LYRM7: variants seen among roughly 807,000 people sequenced by gnomAD.
The protein encoded by LYRM7 is complex III assembly factor LYRM7.
A neutral mutation model predicts 15.8 loss-of-function variants in LYRM7; 9 were observed. The ratio of observed to expected loss-of-function variants is 0.57; its 90% CI spans 0.34 to 0.99. The LOEUF (loss-of-function observed/expected upper bound fraction) is 0.99. LYRM7 is among the 50% of genes least tolerant of loss of function. LYRM7 has a pLI of 0.02. For synonymous variants in LYRM7, 39 were observed against 39.4 expected (o/e 0.99, Z 0.04); for missense variants, 115 against 119.1 (o/e 0.97, Z 0.16).
rs965369574 is a variant in LYRM7 at position 131,202,912 on chromosome 5, G to A, written c.*3311G>A. On this transcript the variant is annotated 3_prime_UTR_variant, in exon 5 of 5. Coordinates refer to ENST00000379380, the MANE Select transcript of LYRM7 (RefSeq NM_181705.4). ...AGATTTGAGAAGCATATGTAGATTC[G>A]AAGCTGGGGGAATATGGCAGGTAGT... 7.2e-5 allele frequency: 11 copies of A among 152,276 alleles called. No individual in the cohort carries two copies. Among genetic ancestry groups the A allele is most frequent in the African/African-American group, 2.7e-4 (11 of 41,428 alleles). 9.4% of individuals were successfully genotyped at this position (152,276 alleles called of 1,614,324 possible).
At chr5:131,173,088 TTTAC>T (rs1307803108) in intron 1 of LYRM7, among the ~76,000 whole-genome samples, 2 of 152,122 alleles carry the variant, frequency 1.3e-5, no homozygotes, top group Non-Finnish European at 2.9e-5. Flanking sequence ...AACCATTATG[TTTAC>T]TTACTTCTCA....
At chr5:131,176,003 A>C (rs1012832289) in intron 1 of LYRM7, among the ~76,000 whole-genome samples, 17 of 151,762 alleles carry the variant, frequency 1.1e-4, no homozygotes, top group African/African-American at 3.9e-4. Flanking sequence ...CAAGCGATCC[A>C]CCCACCTCAG....
At chr5:131,186,576 GTTTAA>G (rs1012278911) in intron 3 of LYRM7, among the ~76,000 whole-genome samples, 1 of 152,122 alleles carries the variant, frequency 6.6e-6, no homozygotes, top group Non-Finnish European at 1.5e-5. Context: ...CTATGATAAA[GTTTAA>G]TTTATAAATT....
chr5:131,200,313 G>A lies in LYRM7; in HGVS notation c.*712G>A, dbSNP rs1335557659. 1.3e-5 allele frequency: 2 copies of A among 152,292 alleles called. No individual in the cohort carries two copies. The highest frequency in any genetic ancestry group is 2.9e-5 in the Non-Finnish European group (2 of 68,016). The allele number at this position is 152,292 out of a possible 1,614,324, so 9.4% of individuals were successfully genotyped here. A position where few individuals can be genotyped will look rare whatever the true frequency, so the allele number is the denominator to read the frequency against. On this transcript the variant is annotated 3_prime_UTR_variant, in exon 5 of 5. Transcript: ENST00000379380. ...TAATATGGCCTTAGTAGAATTAGCT[G>A]TATTTAGACAAAGTTAGACTTTAGT...
chr5:131,205,316 A>G lies in LYRM7; in HGVS notation c.*5715A>G, dbSNP rs183093907. ...GGCGTTATGCTCCATGTATTCTGCA[A>G]CTTTTCATCATACATTAGGTTTTGG... On this transcript the variant is annotated 3_prime_UTR_variant, in exon 5 of 5. Coordinates refer to ENST00000379380, the MANE Select transcript of LYRM7 (RefSeq NM_181705.4). The G allele has an allele frequency of 1.3e-5, 2 of 152,358 alleles. No individual in the cohort carries two copies. The highest frequency in any genetic ancestry group is 3.9e-4 in the East Asian group (2 of 5,192). The allele number at this position is 152,358 out of a possible 1,614,324, so 9.4% of individuals were successfully genotyped here.
chr5:131,177,741 G>A (rs757722190), intron 1 of LYRM7, among the ~76,000 whole-genome samples: 6 of 152,078 alleles, frequency 3.9e-5, no homozygotes, highest in Non-Finnish European at 5.9e-5. Flanking sequence ...TAATTCGTGT[G>A]CCTTACTTGG....
chr5:131,181,428 TA>T (rs1248556630), intron 2 of LYRM7, among the ~76,000 whole-genome samples: 19 of 111,426 alleles, frequency 1.7e-4, no homozygotes, highest in African/African-American at 6.1e-4. Flanking sequence ...TATATATATA[TA>T]ACATATATAT....
At chr5:131,194,758 G>C (rs1561548683) in intron 4 of LYRM7, among the ~76,000 whole-genome samples, 1 of 152,110 alleles carries the variant, frequency 6.6e-6, no homozygotes, top group Non-Finnish European at 1.5e-5. Flanking sequence ...CCACGAGAGA[G>C]CAGCAGTTTT....
At chr5:131,197,563 T>A (rs1755986682) in intron 4 of LYRM7, among the ~76,000 whole-genome samples, 2 of 148,062 alleles carry the variant, frequency 1.4e-5, no homozygotes, top group Non-Finnish European at 3.0e-5. Flanking sequence ...TTTTTTTTTT[T>A]GAGAGAGAGA....
At chr5:131,190,231 T>C (rs1284886324) in intron 4 of LYRM7, among the ~76,000 whole-genome samples, 3 of 152,222 alleles carry the variant, frequency 2.0e-5, no homozygotes, top group South Asian at 2.1e-4. Flanking sequence ...AGTCTTGCTC[T>C]GTCTCCTACG....
intron 4 of LYRM7, among the ~76,000 whole-genome samples, chr5:131,197,388 A>G (rs1313262027): frequency 6.6e-6 from 1 of 152,160 alleles, no homozygotes; most frequent in East Asian, 1.9e-4. Context: ...ACAATGGTTA[A>G]ATAATACTTA....
intron 3 of LYRM7, among the ~76,000 whole-genome samples, chr5:131,183,653 G>T (rs917156200): frequency 1.3e-5 from 2 of 151,982 alleles, no homozygotes; most frequent in Non-Finnish European, 2.9e-5. Context: ...TAAAATAATT[G>T]CTTTGTTATT....
intron 3 of LYRM7, among the ~76,000 whole-genome samples, chr5:131,184,707 T>G (rs1262933391): frequency 2.0e-5 from 3 of 151,646 alleles, no homozygotes; most frequent in African/African-American, 7.3e-5. Context: ...GCCTAATCCC[T>G]TATTCCTCAA....
At chr5:131,196,134 CCTT>C (rs1755959696) in intron 4 of LYRM7, among the ~76,000 whole-genome samples, 2 of 134,854 alleles carry the variant, frequency 1.5e-5, no homozygotes, top group South Asian at 4.6e-4. Context: ...GATAGAGTGT[CCTT>C]CTGTCGCTCA....
rs867316380 is a variant in LYRM7 at position 131,181,419 on chromosome 5, A to G, written c.92-810A>G. ...ATATTATATATACATATATATGTTT[A>G]TATATATATAACATATATATGTATA... On this transcript the variant is annotated intron_variant, in intron 2 of 4. Transcript: ENST00000379380. Among the ~76,000 whole-genome samples the G allele has an allele frequency of 5.9e-3, 706 of 118,844 alleles. 35 individuals carry two copies. The highest frequency in any genetic ancestry group is 0.025 in the African/African-American group (664 of 26,346). The allele number at this position is 118,844 out of a possible 152,430, so 78.0% of individuals were successfully genotyped here.
chr5:131,171,163 ACCC>A lies in LYRM7; in HGVS notation c.18+127_18+129del, dbSNP rs1196967018. 9.7e-6 allele frequency: 10 copies of A among 1,032,438 alleles called. No homozygotes were observed. In the South Asian group the frequency reaches 1.7e-4, roughly 17 times the overall value. 64.0% of individuals were successfully genotyped at this position (1,032,438 alleles called of 1,614,324 possible). On this transcript the variant is annotated intron_variant, in intron 1 of 4. Transcript: ENST00000379380. ...ACCCTTTATGGAGGATGTGGCTGTT[ACCC>A]CAGAGAAGCCAGATGACCAACTCCT...
In LYRM7 at chr5:131,203,431, T is replaced by C. The variant is rs1222435719; in HGVS notation, c.*3830T>C. Reference sequence around the variant, plus strand: ...TATTGAGGCCAGGTGCAGTGGCCCATGCCTGTAGTTCCAGTACTTTGGGAG... The same window carrying C: ...TATTGAGGCCAGGTGCAGTGGCCCACGCCTGTAGTTCCAGTACTTTGGGAG... On this transcript the variant is annotated 3_prime_UTR_variant, in exon 5 of 5. Coordinates refer to ENST00000379380, the MANE Select transcript of LYRM7 (RefSeq NM_181705.4). 2 of 152,282 alleles carry C rather than the reference T, an allele frequency of 1.3e-5. No individual in the cohort carries two copies. Among genetic ancestry groups the C allele is most frequent in the Admixed American group, 6.5e-5 (1 of 15,278 alleles). The allele number at this position is 152,282 out of a possible 1,614,324, so 9.4% of individuals were successfully genotyped here.
rs923578230 is a variant in LYRM7, at chr5:131,204,981, G to C, written c.*5380G>C. ...GTATATCAACATGTAAGTGTTAAAAGACAATAAGCTACTAGTGATTTTTAA... is the reference window on the plus strand; with the variant it reads ...GTATATCAACATGTAAGTGTTAAAACACAATAAGCTACTAGTGATTTTTAA... On this transcript the variant is annotated 3_prime_UTR_variant, in exon 5 of 5. Transcript: ENST00000379380. 2.6e-5 allele frequency: 4 copies of C among 152,152 alleles called. No individual in the cohort carries two copies. The highest frequency in any genetic ancestry group is 9.7e-5 in the African/African-American group (4 of 41,394). The allele number at this position is 152,152 out of a possible 1,614,324, so 9.4% of individuals were successfully genotyped here. A position where few individuals can be genotyped will look rare whatever the true frequency, so the allele number is the denominator to read the frequency against.
chr5:131,191,088 T>G (rs1386557656), intron 4 of LYRM7, among the ~76,000 whole-genome samples: 1 of 151,960 alleles, frequency 6.6e-6, no homozygotes, highest in Non-Finnish European at 1.5e-5. Flanking sequence ...TCCCACAGAA[T>G]TAAATATTTT....
Sources: gnomAD v4.1 joint callset for allele counts (sites outside exome capture counted in the v4.1 genomes callset) on GRCh38, gnomAD v4.1.1 for gene constraint, MANE v1.5 for transcripts, NCBI Gene and HGNC (gene_info 2026-07-23, HGNC 2026-07-21) for gene names.